Variants in NRXN1 observed in about 807,000 individuals in gnomAD.
The protein encoded by NRXN1 is neurexin-1.
A neutral mutation model predicts 150.9 loss-of-function variants in NRXN1; 39 were observed. That is an observed-to-expected ratio of 0.26 (90% confidence interval 0.20 to 0.34). The LOEUF is 0.34. Among genes scored for constraint, NRXN1 ranks in the 10% least tolerant of loss-of-function variants. The pLI is 1.00. For missense variants in NRXN1, 1,815 were observed against 1,949.9 expected (o/e 0.93, Z 1.30); for synonymous variants, 924 against 757.0 (o/e 1.22, Z -3.62).
At chr2:50,270,194 G>A (rs1003430585) in intron 17 of NRXN1, among the ~76,000 whole-genome samples, 4 of 151,928 alleles carry the variant, frequency 2.6e-5, no homozygotes, top group Non-Finnish European at 4.4e-5. Flanking sequence ...AAAGATTAGG[G>A]GTTAAATAAA....
chr2:50,685,782 G>A (rs1374929634), intron 5 of NRXN1, among the ~76,000 whole-genome samples: 1 of 152,072 alleles, frequency 6.6e-6, no homozygotes, highest in African/African-American at 2.4e-5. Context: ...CCTAAAAGGT[G>A]ATGCATCATC....
intron 14 of NRXN1, 68 bp from the exon 15 acceptor site, chr2:50,496,163 T>C (rs2091606433): frequency 8.0e-7 from 1 of 1,255,226 alleles, no homozygotes; most frequent in Non-Finnish European, 1.1e-6. Context: ...AAAGTAGATA[T>C]TACAAATGGA....
chr2:50,269,523 G>A (rs1362891384), intron 17 of NRXN1, among the ~76,000 whole-genome samples: 1 of 151,994 alleles, frequency 6.6e-6, no homozygotes, highest in South Asian at 2.1e-4. Flanking sequence ...TGGAATTCTT[G>A]GTGACTTTAA....
chr2:50,769,222 C>G (rs1465636304), intron 5 of NRXN1, among the ~76,000 whole-genome samples: 1 of 151,988 alleles, frequency 6.6e-6, no homozygotes, highest in Non-Finnish European at 1.5e-5. Flanking sequence ...CCAAAAACAC[C>G]TCTTTCCACC....
intron 21 of NRXN1, among the ~76,000 whole-genome samples, chr2:49,975,204 G>C (rs1364576889): frequency 6.6e-6 from 1 of 151,604 alleles, no homozygotes; most frequent in Non-Finnish European, 1.5e-5. Context: ...GTATCACGGA[G>C]ATTTTTTTTT....
chr2:51,001,877 T>C (rs1700122788), intron 2 of NRXN1, among the ~76,000 whole-genome samples: 9 of 151,966 alleles, frequency 5.9e-5, no homozygotes, highest in Admixed American at 4.6e-4. Flanking sequence ...AAAGATTTTC[T>C]GACCTTCTCC....
chr2:50,938,270 G>A (rs1317862756), intron 2 of NRXN1, among the ~76,000 whole-genome samples: 2 of 152,122 alleles, frequency 1.3e-5, no homozygotes, highest in African/African-American at 4.8e-5. Flanking sequence ...ATTAAGGTAT[G>A]TGTGCTCGAT....
At chr2:50,475,191 A>C (rs958473711) in intron 15 of NRXN1, among the ~76,000 whole-genome samples, 1 of 152,064 alleles carries the variant, frequency 6.6e-6, no homozygotes, top group Non-Finnish European at 1.5e-5. Flanking sequence ...GCACAGCTTT[A>C]GGCTTTTCAG....
intron 5 of NRXN1, among the ~76,000 whole-genome samples, chr2:50,785,049 C>G (rs1019702696): frequency 6.6e-6 from 1 of 151,928 alleles, no homozygotes; most frequent in South Asian, 2.1e-4. Context: ...ACCCTAATCC[C>G]ACAGAATGTG....
chr2:50,117,137 T>C (rs1358133500), intron 18 of NRXN1, among the ~76,000 whole-genome samples: 3 of 152,162 alleles, frequency 2.0e-5, no homozygotes, highest in East Asian at 1.9e-4. Context: ...AGAATCTGTT[T>C]AGACAAGAAA....
At chr2:50,030,605 T>C (rs532206523) in intron 21 of NRXN1, among the ~76,000 whole-genome samples, 2 of 152,206 alleles carry the variant, frequency 1.3e-5, no homozygotes, top group African/African-American at 2.4e-5. Context: ...CCTATTGCAA[T>C]AGCCTTGATT....
intron 16 of NRXN1, among the ~76,000 whole-genome samples, chr2:50,468,812 A>C (rs2089183617): frequency 6.6e-6 from 1 of 151,498 alleles, no homozygotes; most frequent in African/African-American, 2.4e-5. Flanking sequence ...TATTGTATAG[A>C]GTCTTGATGA....
chr2:50,565,276 TA>T (rs148142879), intron 8 of NRXN1, among the ~76,000 whole-genome samples: 8 of 144,812 alleles, frequency 5.5e-5, no homozygotes, highest in South Asian at 2.2e-4. Context: ...AACTAACTCC[TA>T]AAAAAAAAAG....
intron 17 of NRXN1, among the ~76,000 whole-genome samples, chr2:50,288,274 A>C (rs934042022): frequency 1.3e-5 from 2 of 152,196 alleles, no homozygotes; most frequent in Admixed American, 1.3e-4. Context: ...GATAGTTTTG[A>C]TTGCCATGAC....
intron 5 of NRXN1, among the ~76,000 whole-genome samples, chr2:50,872,630 A>C (rs1313827394): frequency 1.3e-5 from 2 of 151,670 alleles, no homozygotes; most frequent in Non-Finnish European, 2.9e-5. Context: ...AAATAAAATA[A>C]AATAATCACT....
intron 17 of NRXN1, among the ~76,000 whole-genome samples, chr2:50,318,002 T>A (rs923751614): frequency 7.2e-5 from 11 of 152,146 alleles, no homozygotes; most frequent in African/African-American, 2.6e-4. Flanking sequence ...TTTAACTATA[T>A]CAAATTTTAG....
chr2:50,554,722 A>C (rs1407314534), intron 8 of NRXN1, among the ~76,000 whole-genome samples: 1 of 152,178 alleles, frequency 6.6e-6, no homozygotes, highest in African/African-American at 2.4e-5. Context: ...TAAAGCCCAC[A>C]CATATAATTG....
chr2:50,385,530 C>G (rs1232291330), intron 17 of NRXN1, among the ~76,000 whole-genome samples: 1 of 152,136 alleles, frequency 6.6e-6, no homozygotes, highest in East Asian at 1.9e-4. Context: ...TGGCTTACAC[C>G]TCAAACCAAC....
rs1006159662 is a variant in NRXN1, at chr2:50,384,766, T to C, written c.3364+80676A>G. Among the ~76,000 whole-genome samples the C allele has an allele frequency of 1.1e-4, 16 of 152,140 alleles. 1 individual carries two copies. Among genetic ancestry groups the C allele is most frequent in the Non-Finnish European group, 2.9e-5 (2 of 68,030 alleles). On this transcript the variant is annotated intron_variant, in intron 17 of 22. Transcript: ENST00000401669. ...AATACTTCAAAAAAATTATTATTAC[T>C]TTTAGAGCCACATACAACCCTGTCT...
Sources: allele counts gnomAD v4.1 joint callset (sites outside exome capture counted in the v4.1 genomes callset), GRCh38; gene constraint gnomAD v4.1.1; transcripts MANE v1.5; gene names NCBI Gene and HGNC (gene_info 2026-07-23, HGNC 2026-07-21).